CCDC102B: variants seen among roughly 807,000 people sequenced by gnomAD.
CCDC102B encodes coiled-coil domain containing 102B, also known as coiled-coil domain-containing protein 102B.
A neutral mutation model predicts 57.4 loss-of-function variants in CCDC102B; 75 were observed. The ratio of observed to expected loss-of-function variants is 1.31; its 90% CI spans 1.08 to 1.58. The LOEUF is 1.58. Ranked by LOEUF, CCDC102B falls within the 40% of genes most tolerant of loss-of-function variation. The pLI, the probability that CCDC102B is intolerant of heterozygous loss-of-function variation, is 0.00. For synonymous variants in CCDC102B, 206 were observed against 201.9 expected (o/e 1.02, Z -0.17); for missense variants, 636 against 582.6 (o/e 1.09, Z -0.94).
Position 68,837,268 on chromosome 18 carries a change from G to T in CCDC102B, c.505G>T (p.Glu169Ter). The stretch of plus-strand genomic sequence containing the variant: ...TCCTGGCTTCGTAGAAGAATCCTGT[G>T]AACATACAGACCAATTTCAATTGAG... Reference protein sequence around the residue: ...KLPGFVEESCEHTDQFQLSSQ... With the variant: ...KLPGFVEESC Residue 169 changes from glutamate (E) to a stop codon, truncating the protein, a stop_gained, in exon 2 of 8, where the codon GAA (glutamate) becomes TAA (stop). Transcript: ENST00000360242. LOFTEE classifies it high-confidence loss of function. 1.9e-6 allele frequency: 3 copies of T among 1,614,080 alleles called. No individual in the cohort carries two copies. The South Asian group carries it at 3.3e-5, about 18-fold the overall frequency.
At chr18:68,951,023 A>G (rs1366498099) in intron 6 of CCDC102B, among the ~76,000 whole-genome samples, 1 of 152,116 alleles carries the variant, frequency 6.6e-6, no homozygotes, top group East Asian at 1.9e-4. Context: ...TAACAATCTC[A>G]AGGAATTATT....
At chr18:68,916,931 GC>G (rs1234749656) in intron 6 of CCDC102B, among the ~76,000 whole-genome samples, 1 of 152,190 alleles carries the variant, frequency 6.6e-6, no homozygotes, top group African/African-American at 2.4e-5. Flanking sequence ...GGAGAGAGGA[GC>G]AAATGCCAAT....
At chr18:68,870,359 CATAATAGTAATAGAGAAAAGATT>C (rs2039191756) in intron 4 of CCDC102B, among the ~76,000 whole-genome samples, 1 of 152,098 alleles carries the variant, frequency 6.6e-6, no homozygotes, top group South Asian at 2.1e-4. Context: ...AAAGTATAAT[CATAATAGTAATAGAGAAAAGATT>C]ATCCTTCGAC....
intron 2 of CCDC102B, among the ~76,000 whole-genome samples, chr18:68,760,523 C>A (rs2034219054): frequency 6.6e-6 from 1 of 152,074 alleles, no homozygotes; most frequent in Non-Finnish European, 1.5e-5. Context: ...TTGATACATT[C>A]ATTTAGCCAG....
At chr18:68,918,399 T>G (rs1203174141) in intron 6 of CCDC102B, among the ~76,000 whole-genome samples, 1 of 152,210 alleles carries the variant, frequency 6.6e-6, no homozygotes, top group Non-Finnish European at 1.5e-5. Context: ...TTATGGTTGA[T>G]TCTGTGTCTA....
intron 4 of CCDC102B, among the ~76,000 whole-genome samples, chr18:68,860,475 C>CAA (rs1169097862): frequency 1.1e-3 from 57 of 53,070 alleles, no homozygotes; most frequent in East Asian, 2.2e-3. Flanking sequence ...AAAACAAAAA[C>CAA]AAAAAAAAAA....
intron 7 of CCDC102B, among the ~76,000 whole-genome samples, chr18:69,049,473 T>C (rs1281916636): frequency 6.6e-6 from 1 of 152,116 alleles, no homozygotes; most frequent in Non-Finnish European, 1.5e-5. Context: ...AAAAGCAAGA[T>C]TTTTGTCTGG....
intron 4 of CCDC102B, among the ~76,000 whole-genome samples, chr18:68,867,207 G>A (rs1300368718): frequency 6.6e-6 from 1 of 152,162 alleles, no homozygotes; most frequent in Non-Finnish European, 1.5e-5. Flanking sequence ...GGCCCAGATG[G>A]TCTCGATTGC....
chr18:68,723,353 A>G (rs1052195714), intron 2 of CCDC102B, among the ~76,000 whole-genome samples: 5 of 152,024 alleles, frequency 3.3e-5, no homozygotes, highest in Admixed American at 1.3e-4. Context: ...ACCTTTCAAA[A>G]CACAATCATG....
chr18:69,039,607 ACTTT>A (rs2052380540), intron 7 of CCDC102B, among the ~76,000 whole-genome samples: 1 of 151,922 alleles, frequency 6.6e-6, no homozygotes, highest in Non-Finnish European at 1.5e-5. Context: ...AATTACCTAA[ACTTT>A]CTTATATCCT....
intron 6 of CCDC102B, among the ~76,000 whole-genome samples, chr18:68,973,403 T>C (rs2050350545): frequency 1.3e-5 from 2 of 152,258 alleles, no homozygotes; most frequent in Non-Finnish European, 2.9e-5. Flanking sequence ...TTACAGTACC[T>C]AGCTTACTGA....
intron 6 of CCDC102B, among the ~76,000 whole-genome samples, chr18:68,993,844 A>G (rs1435590206): frequency 6.6e-6 from 1 of 152,208 alleles, no homozygotes. Context: ...GAACCACTTC[A>G]GGTATCACTA....
intron 2 of CCDC102B, among the ~76,000 whole-genome samples, chr18:68,719,460 A>G (rs1198978869): frequency 2.0e-5 from 3 of 152,216 alleles, no homozygotes; most frequent in Non-Finnish European, 4.4e-5. Context: ...TGTGAGTCCC[A>G]AAGCCCAAGA....
chr18:68,982,060 A>T (rs2050599073), intron 6 of CCDC102B, among the ~76,000 whole-genome samples: 1 of 151,966 alleles, frequency 6.6e-6, no homozygotes, highest in Non-Finnish European at 1.5e-5. Context: ...ATTTTTGAGG[A>T]TGAGAAATGA....
intron 6 of CCDC102B, among the ~76,000 whole-genome samples, chr18:68,923,487 C>G (rs1375526522): frequency 6.6e-6 from 1 of 151,890 alleles, no homozygotes; most frequent in African/African-American, 2.4e-5. Context: ...GAATTGAGCA[C>G]ATAGTATGTG....
chr18:68,921,557 G>T (rs1328779993), intron 6 of CCDC102B, among the ~76,000 whole-genome samples: 1 of 152,152 alleles, frequency 6.6e-6, no homozygotes. Context: ...AATCACAAGG[G>T]TCCTTAAATA....
At chr18:68,740,799 A>G (rs1182382394) in intron 2 of CCDC102B, among the ~76,000 whole-genome samples, 1 of 152,170 alleles carries the variant, frequency 6.6e-6, no homozygotes, top group Non-Finnish European at 1.5e-5. Context: ...TTAAGTATAT[A>G]TACTATGAAT....
chr18:68,974,929 A>G (rs1007657465), intron 6 of CCDC102B, among the ~76,000 whole-genome samples: 1 of 151,946 alleles, frequency 6.6e-6, no homozygotes, highest in Non-Finnish European at 1.5e-5. Context: ...ACATTTACAT[A>G]GGCTTTTTTA....
At chr18:68,765,365 GAA>G (rs370337453) in intron 2 of CCDC102B, among the ~76,000 whole-genome samples, 6 of 118,776 alleles carry the variant, frequency 5.1e-5, no homozygotes, top group Non-Finnish European at 9.0e-5. Flanking sequence ...AAGAAAGAAA[GAA>G]AGAAAGAAAG....
Sources: gnomAD v4.1 joint callset for allele counts (sites outside exome capture counted in the v4.1 genomes callset) on GRCh38, gnomAD v4.1.1 for gene constraint, MANE v1.5 for transcripts, NCBI Gene and HGNC (gene_info 2026-07-23, HGNC 2026-07-21) for gene names.